The following RABGAP1L variants were observed in gnomAD, a reference collection of about 807,000 sequenced individuals.
RABGAP1L encodes rab GTPase-activating protein 1-like.
Under a neutral mutation model 137.7 loss-of-function variants are expected in RABGAP1L, and 63 were observed. The ratio of observed to expected loss-of-function variants is 0.46; its 90% CI spans 0.37 to 0.56. RABGAP1L has a LOEUF of 0.56. Among genes scored for constraint, RABGAP1L ranks in the 20% least tolerant of loss-of-function variants. The pLI is 0.00. For missense variants in RABGAP1L, 1,095 were observed against 1,244.0 expected (o/e 0.88, Z 1.80); for synonymous variants, 431 against 433.7 (o/e 0.99, Z 0.08).
intron 15 of RABGAP1L, among the ~76,000 whole-genome samples, chr1:174,695,577 C>G (rs990698041): frequency 6.6e-6 from 1 of 152,166 alleles, no homozygotes; most frequent in African/African-American, 2.4e-5. Flanking sequence ...TTAAATGTCA[C>G]ATATCTCTCA....
chr1:174,226,424 T>G (rs2148489029), intron 3 of RABGAP1L, among the ~76,000 whole-genome samples: 1 of 152,294 alleles, frequency 6.6e-6, no homozygotes, highest in African/African-American at 2.4e-5. Flanking sequence ...AGTCCTCCGG[T>G]CGTTGCTTTT....
chr1:174,851,364 T>G (rs1259186152), intron 19 of RABGAP1L, among the ~76,000 whole-genome samples: 7 of 152,200 alleles, frequency 4.6e-5, no homozygotes, highest in Admixed American at 4.6e-4. Flanking sequence ...GGCTGCATCG[T>G]TTCCATTGGT....
rs144655092 is a variant in RABGAP1L at position 174,960,789 on chromosome 1, A to G, written c.2433+3240A>G. 3.5e-3 allele frequency among the ~76,000 whole-genome samples: 526 copies of G among 152,316 alleles called. 3 individuals are homozygous for G. Among genetic ancestry groups the G allele is most frequent in the African/African-American group, 0.012 (495 of 41,574 alleles). On this transcript the variant is annotated intron_variant, in intron 20 of 25. Coordinates refer to ENST00000681986, the MANE Select transcript of RABGAP1L (RefSeq NM_001366446.1). Reference sequence around the variant, plus strand: ...GAGCTAATTAGTGACTATTGATCTTATATGTGTCCATATTTGCAGAATAAA... The same window carrying G: ...GAGCTAATTAGTGACTATTGATCTTGTATGTGTCCATATTTGCAGAATAAA...
At chr1:174,976,564 T>C (rs1670658234) in intron 22 of RABGAP1L, among the ~76,000 whole-genome samples, 1 of 152,208 alleles carries the variant, frequency 6.6e-6, no homozygotes, top group Non-Finnish European at 1.5e-5. Flanking sequence ...TGAGCATTGT[T>C]AAACCGAAAG....
chr1:174,283,025 A>G (rs1307920520), intron 10 of RABGAP1L, among the ~76,000 whole-genome samples: 1 of 152,108 alleles, frequency 6.6e-6, no homozygotes, highest in East Asian at 1.9e-4. Flanking sequence ...AAGCTTCCCA[A>G]CCTTTCTCAT....
chr1:174,378,954 G>A (rs1449199094), intron 12 of RABGAP1L, among the ~76,000 whole-genome samples: 2 of 129,638 alleles, frequency 1.5e-5, no homozygotes, highest in East Asian at 2.0e-4. Context: ...ATCTTGAATT[G>A]ATTTTTGTAT....
rs777372228 is a variant in RABGAP1L at position 174,448,895 on chromosome 1, C to T, written c.1710+54750C>T. The T allele has an allele frequency of 8.7e-6, 14 of 1,612,898 alleles. No individual in the cohort carries two copies. The highest frequency in any genetic ancestry group is 2.2e-5 in the East Asian group (1 of 44,876). On this transcript the variant is annotated intron_variant, in intron 13 of 25. Transcript: ENST00000681986. The surrounding 1 kb of genome is among the most constrained non-coding windows in gnomAD (Gnocchi z 4.2). ...AGAGACTGGACACAGCCCTGACCGTCGCTACGCCATGGTTTTGTTTAGGAT... is the reference window on the plus strand; with the variant it reads ...AGAGACTGGACACAGCCCTGACCGTTGCTACGCCATGGTTTTGTTTAGGAT...
chr1:174,938,476 T>A (rs972767899), intron 19 of RABGAP1L: 2 of 152,190 alleles, frequency 1.3e-5, no homozygotes, highest in African/African-American at 4.8e-5. Context: ...ACAGAGTGAG[T>A]TGATGAGGGT....
chr1:174,634,711 T>G (rs1207698322), intron 13 of RABGAP1L, among the ~76,000 whole-genome samples: 12 of 134,136 alleles, frequency 8.9e-5, no homozygotes, highest in Non-Finnish European at 1.7e-4. Flanking sequence ...CCATAAAAAA[T>G]GATGAGTTCA....
chr1:174,243,691 T>C (rs930232685), intron 5 of RABGAP1L, among the ~76,000 whole-genome samples: 2 of 152,228 alleles, frequency 1.3e-5, no homozygotes, highest in African/African-American at 4.8e-5. Context: ...TATGTTTCTC[T>C]TTGCCTGGAG....
chr1:174,863,546 G>A (rs959474071), intron 19 of RABGAP1L, among the ~76,000 whole-genome samples: 7 of 151,710 alleles, frequency 4.6e-5, no homozygotes, highest in Non-Finnish European at 8.8e-5. Context: ...GGTGGCGGAC[G>A]CCTGTAGTCC....
At chr1:174,659,064 A>C (rs1676181611) in intron 14 of RABGAP1L, among the ~76,000 whole-genome samples, 1 of 152,200 alleles carries the variant, frequency 6.6e-6, no homozygotes, top group African/African-American at 2.4e-5. Context: ...CGATAAATCA[A>C]ATGGGTTATT....
At position 174,191,200 on chromosome 1, in the gene RABGAP1L, T is replaced by C. The variant is rs149498410; in HGVS notation, c.-33-27925T>C. On this transcript the variant is annotated intron_variant, in intron 1 of 25. Coordinates refer to ENST00000681986, the MANE Select transcript of RABGAP1L (RefSeq NM_001366446.1). ...TGAAAATTTCTTAAATTCTGTGTTT[T>C]ATCTCAGGAATGTGTGTGAATTTTG... 3.6e-3 allele frequency among the ~76,000 whole-genome samples: 556 copies of C among 152,332 alleles called. 3 individuals are homozygous for C. The highest frequency in any genetic ancestry group is 6.1e-3 in the Non-Finnish European group (413 of 68,024).
At chr1:174,440,709 C>G (rs1430064533) in intron 13 of RABGAP1L, among the ~76,000 whole-genome samples, 2 of 152,134 alleles carry the variant, frequency 1.3e-5, no homozygotes, top group Non-Finnish European at 2.9e-5. Context: ...GCGTGCACCA[C>G]CATGCCTGGC....
At chr1:174,207,636 A>G (rs1668595701) in intron 1 of RABGAP1L, among the ~76,000 whole-genome samples, 1 of 152,166 alleles carries the variant, frequency 6.6e-6, no homozygotes, top group Admixed American at 6.5e-5. Context: ...TTTGGTTATT[A>G]AAGAAGTATT....
chr1:174,162,786 T>TG (rs1664599098), intron 1 of RABGAP1L, among the ~76,000 whole-genome samples: 1 of 73,902 alleles, frequency 1.4e-5, no homozygotes, highest in Admixed American at 1.4e-4. Context: ...TGTTTTTTTT[T>TG]TTTTTTTTTT....
At chr1:174,188,924 C>G (rs1203863861) in intron 1 of RABGAP1L, among the ~76,000 whole-genome samples, 4 of 152,284 alleles carry the variant, frequency 2.6e-5, no homozygotes, top group Admixed American at 2.6e-4. Context: ...TTGTGTTAGC[C>G]TCTAACGAGA....
chr1:174,277,270 A>G (rs979444505), intron 9 of RABGAP1L, among the ~76,000 whole-genome samples: 1 of 151,972 alleles, frequency 6.6e-6, no homozygotes, highest in Non-Finnish European at 1.5e-5. Flanking sequence ...TAGACCCACA[A>G]TTTGTTATTT....
chr1:174,928,749 C>G (rs1419988137), intron 19 of RABGAP1L, among the ~76,000 whole-genome samples: 1 of 151,866 alleles, frequency 6.6e-6, no homozygotes, highest in Non-Finnish European at 1.5e-5. Context: ...GATTTTCTTT[C>G]TTTTGAATTC....
Sources: allele counts gnomAD v4.1 joint callset (sites outside exome capture counted in the v4.1 genomes callset), GRCh38; gene constraint gnomAD v4.1.1; non-coding constraint Gnocchi (gnomAD v3.1); transcripts MANE v1.5; gene names NCBI Gene and HGNC (gene_info 2026-07-23, HGNC 2026-07-21).